LRRC74A: variants seen among roughly 807,000 people sequenced by gnomAD.
The protein encoded by LRRC74A is leucine-rich repeat-containing protein 74A.
In LRRC74A, 44 loss-of-function variants were observed where a neutral mutation model predicts 57.9. The ratio of observed to expected loss-of-function variants is 0.76; its 90% CI spans 0.60 to 0.98. The LOEUF (loss-of-function observed/expected upper bound fraction) is 0.98, where lower values mean the gene tolerates loss of function less well. Ranked by LOEUF, LRRC74A falls within the 50% of genes least tolerant of loss-of-function variation. The pLI is 0.00. For missense variants in LRRC74A, 572 were observed against 574.0 expected (o/e 1.00, Z 0.04); for synonymous variants, 211 against 219.4 (o/e 0.96, Z 0.34).
At chr14:76,838,009 T>C (rs747770832) in intron 5 of LRRC74A, 38 bp downstream of exon 5, 5 of 1,325,290 alleles carry the variant, frequency 3.8e-6, no homozygotes, top group Non-Finnish European at 5.3e-6. Context: ...ACACTGGGAA[T>C]CAGAGGGAGG....
Position 76,830,556 on chromosome 14 carries a change from C to T in LRRC74A, c.167-647C>T, listed in dbSNP as rs117807826. ...CGTCAATAAAGCAAGGATGACAGTC[C>T]TTTTTATAAGGAAAATGACATGCAA... On this transcript the variant is annotated intron_variant, in intron 2 of 13. Transcript: ENST00000689127. Among the ~76,000 whole-genome samples, 250 of 152,348 alleles carry T rather than the reference C, an allele frequency of 1.6e-3. 9 individuals are homozygous for T. The East Asian group carries it at 0.044, about 27-fold the overall frequency.
chr14:76,841,568 C>T (rs1896772432), intron 5 of LRRC74A, among the ~76,000 whole-genome samples: 1 of 151,916 alleles, frequency 6.6e-6, no homozygotes, highest in Non-Finnish European at 1.5e-5. Context: ...AGAAAAAAAA[C>T]ACCTGTTGGG....
chr14:76,826,490 A>G lies in LRRC74A; in HGVS notation c.-208A>G. 6.4e-7 allele frequency: 1 copy of G among 1,565,516 alleles called. No individual in the cohort carries two copies. Among genetic ancestry groups the G allele is most frequent in the Non-Finnish European group, 8.7e-7 (1 of 1,151,828 alleles). ...ACCTCTCCCAGACAGAGTTGGGGTCAAATTCATGCACATCCAATTCCCATC... is the reference window on the plus strand; with the variant it reads ...ACCTCTCCCAGACAGAGTTGGGGTCGAATTCATGCACATCCAATTCCCATC... On this transcript the variant is annotated 5_prime_UTR_variant, in exon 1 of 14. Transcript: ENST00000689127.
At chr14:76,844,391 A>C in intron 5 of LRRC74A, 32 bp from the exon 6 acceptor site, 1 of 1,601,766 alleles carries the variant, frequency 6.2e-7, no homozygotes, top group Non-Finnish European at 8.5e-7. Flanking sequence ...ATGGTCTAGC[A>C]GTGCATCACT....
intron 3 of LRRC74A, among the ~76,000 whole-genome samples, chr14:76,831,653 G>A (rs187043010): frequency 5.3e-5 from 8 of 152,194 alleles, no homozygotes; most frequent in African/African-American, 1.9e-4. Flanking sequence ...GGAAGCAAAG[G>A]CACCAGCCCC....
chr14:76,860,972 C>A, intron 11 of LRRC74A, 133 bp downstream of exon 11: 3 of 824,264 alleles, frequency 3.6e-6, no homozygotes, highest in Non-Finnish European at 5.4e-6. Flanking sequence ...ATGTCTCAGT[C>A]CCTTGGACAG....
intron 3 of LRRC74A, among the ~76,000 whole-genome samples, chr14:76,832,483 T>C (rs549712133): frequency 6.6e-6 from 1 of 152,338 alleles, no homozygotes; most frequent in Non-Finnish European, 1.5e-5. Flanking sequence ...AATTTTTGCA[T>C]TTTTAGTAGA....
chr14:76,842,018 C>A (rs893104776), intron 5 of LRRC74A, among the ~76,000 whole-genome samples: 8 of 152,054 alleles, frequency 5.3e-5, no homozygotes, highest in African/African-American at 1.9e-4. Flanking sequence ...AGCCCCAGGT[C>A]TTTTTACATT....
intron 3 of LRRC74A, among the ~76,000 whole-genome samples, chr14:76,835,499 A>G (rs981443330): frequency 3.9e-5 from 6 of 152,018 alleles, no homozygotes; most frequent in African/African-American, 1.2e-4. Context: ...AAAAAAAAAA[A>G]AAAGAAATGC....
At chr14:76,835,204 G>A (rs1239993333) in intron 3 of LRRC74A, among the ~76,000 whole-genome samples, 1 of 151,970 alleles carries the variant, frequency 6.6e-6, no homozygotes, top group Non-Finnish European at 1.5e-5. Context: ...TCATAGAAAT[G>A]CAGACTAGTG....
In LRRC74A at chr14:76,870,271, C is replaced by A; in HGVS notation, c.*122C>A. On this transcript the variant is annotated 3_prime_UTR_variant, in exon 14 of 14. Transcript: ENST00000689127. Reference sequence around the variant, plus strand: ...GACAGATGCTGTGGCAGGGGCTGGGCACAAGCAAATAAAGTCTGGCTTGGT... The same window carrying A: ...GACAGATGCTGTGGCAGGGGCTGGGAACAAGCAAATAAAGTCTGGCTTGGT... 2 of 1,119,264 alleles carry A rather than the reference C, an allele frequency of 1.8e-6. No individual in the cohort carries two copies. Among genetic ancestry groups the A allele is most frequent in the Non-Finnish European group, 2.6e-6 (2 of 762,430 alleles). The allele number at this position is 1,119,264 out of a possible 1,614,324, so 69.3% of individuals were successfully genotyped here.
chr14:76,851,971 A>G (rs1232709839), intron 7 of LRRC74A, among the ~76,000 whole-genome samples: 1 of 152,118 alleles, frequency 6.6e-6, no homozygotes, highest in East Asian at 1.9e-4. Flanking sequence ...GCTAATTCTT[A>G]CTTTTATAAA....
intron 5 of LRRC74A, among the ~76,000 whole-genome samples, chr14:76,839,265 C>G (rs1896583355): frequency 2.0e-5 from 3 of 152,116 alleles, no homozygotes; most frequent in African/African-American, 4.8e-5. Flanking sequence ...AACTGATTTC[C>G]AAATTTCCCT....
rs2140247757 is a variant in LRRC74A at position 76,826,535 on chromosome 14, G to A, written c.-163G>A. The A allele has an allele frequency of 6.2e-7, 1 of 1,610,468 alleles. No homozygotes were observed. Among genetic ancestry groups the A allele is most frequent in the Admixed American group, 1.7e-5 (1 of 59,510 alleles). ...CCCATCAAAGCCTACTCTTCCCAGG[G>A]CTTGCTGGGAGGGAAGGATAACTGC... On this transcript the variant is annotated 5_prime_UTR_variant, in exon 1 of 14. Coordinates refer to ENST00000689127, the MANE Select transcript of LRRC74A (RefSeq NM_001385106.1).
intron 3 of LRRC74A, among the ~76,000 whole-genome samples, chr14:76,833,512 G>A (rs1896113763): frequency 7.2e-6 from 1 of 138,698 alleles, no homozygotes; most frequent in Admixed American, 8.2e-5. Flanking sequence ...CATGATCTGA[G>A]CTCACTGCAA....
intron 1 of LRRC74A, 145 bp downstream of exon 1, chr14:76,826,879 T>C (rs1895614016): frequency 2.0e-6 from 1 of 490,494 alleles, no homozygotes; most frequent in South Asian, 1.8e-5. Context: ...TGACTTGGGT[T>C]CAGGCCTTGG....
At position 76,828,356 on chromosome 14, in the gene LRRC74A, C is replaced by A. The variant is rs1895728496; in HGVS notation, c.103C>A (p.Pro35Thr). Residue 35 changes from proline to threonine, a missense_variant, in exon 2 of 14, where the codon CCG (proline) becomes ACG (threonine). Pro to Thr is a conservative substitution (Grantham distance 38). Transcript: ENST00000689127. ...AATGCTCTACTGTGAGGCCGAATCC[C>A]CGCCGACTGTTGAAAAAGTGAAACC... ...DKMLYCEAESPPTVEKVKPAR... is the reference protein window; with the variant it reads ...DKMLYCEAESTPTVEKVKPAR... 1 of 1,613,720 alleles carries A rather than the reference C, an allele frequency of 6.2e-7. No individual in the cohort carries two copies. Among genetic ancestry groups the A allele is most frequent in the African/African-American group, 1.3e-5 (1 of 74,910 alleles).
At chr14:76,846,208 A>C (rs990766488) in intron 7 of LRRC74A, among the ~76,000 whole-genome samples, 1 of 152,240 alleles carries the variant, frequency 6.6e-6, no homozygotes, top group Non-Finnish European at 1.5e-5. Context: ...ACATCTCTTA[A>C]CTAGTTAGAG....
chr14:76,857,860 G>T (rs1014387413), intron 10 of LRRC74A, among the ~76,000 whole-genome samples: 1 of 152,242 alleles, frequency 6.6e-6, no homozygotes, highest in Non-Finnish European at 1.5e-5. Context: ...GTAGAATCTG[G>T]GTATTAAAAC....
Sources: allele counts gnomAD v4.1 joint callset (sites outside exome capture counted in the v4.1 genomes callset), GRCh38; gene constraint gnomAD v4.1.1; transcripts MANE v1.5; gene names NCBI Gene and HGNC (gene_info 2026-07-23, HGNC 2026-07-21).